The following ROBO2 variants were observed in gnomAD, a reference collection of about 807,000 sequenced individuals.
ROBO2 encodes the protein roundabout guidance receptor 2.
In ROBO2, 53 loss-of-function variants were observed where a neutral mutation model predicts 160.8. That is an observed-to-expected ratio of 0.33 (90% confidence interval 0.26 to 0.41). The LOEUF (loss-of-function observed/expected upper bound fraction) is 0.41. Among genes scored for constraint, ROBO2 ranks in the 10% least tolerant of loss-of-function variants. ROBO2 has a pLI of 1.00. For synonymous variants in ROBO2, 664 were observed against 611.7 expected (o/e 1.09, Z -1.26); for missense variants, 1,577 against 1,722.4 (o/e 0.92, Z 1.49).
chr3:76,475,254 CA>C (rs1406869543), intron 2 of ROBO2, among the ~76,000 whole-genome samples: 1 of 151,858 alleles, frequency 6.6e-6, no homozygotes, highest in Non-Finnish European at 1.5e-5. Flanking sequence ...AGGTTTAAAG[CA>C]GAGAGAAAAG....
chr3:77,264,813 C>T (rs1252152500), intron 2 of ROBO2, among the ~76,000 whole-genome samples: 1 of 152,036 alleles, frequency 6.6e-6, no homozygotes, highest in African/African-American at 2.4e-5. Flanking sequence ...TCTGACAAGT[C>T]TGAATAGAGA....
chr3:76,312,336 A>T (rs975557974), intron 2 of ROBO2, among the ~76,000 whole-genome samples: 3 of 152,182 alleles, frequency 2.0e-5, no homozygotes, highest in Non-Finnish European at 4.4e-5. Flanking sequence ...GTTCAAGAGA[A>T]GCATGTATAT....
At chr3:76,265,771 G>T (rs1014829106) in intron 2 of ROBO2, among the ~76,000 whole-genome samples, 2 of 152,070 alleles carry the variant, frequency 1.3e-5, no homozygotes, top group African/African-American at 4.8e-5. Context: ...AGTGCCAAAA[G>T]AAATGCTATT....
chr3:77,170,309 A>T (rs185016166), intron 2 of ROBO2, among the ~76,000 whole-genome samples: 1 of 152,276 alleles, frequency 6.6e-6, no homozygotes. Flanking sequence ...ATAATACAAA[A>T]TGCATTTTAT....
chr3:76,823,786 C>T (rs779325232), intron 2 of ROBO2, among the ~76,000 whole-genome samples: 1 of 151,866 alleles, frequency 6.6e-6, no homozygotes, highest in African/African-American at 2.4e-5. Flanking sequence ...GGGGAGATAA[C>T]GGAATAATAT....
intron 2 of ROBO2, among the ~76,000 whole-genome samples, chr3:75,994,955 G>T (rs1048494749): frequency 6.6e-6 from 1 of 152,188 alleles, no homozygotes; most frequent in African/African-American, 2.4e-5. Flanking sequence ...GCGGCATTTT[G>T]CCCCTGCCCT....
Position 76,651,552 on chromosome 3 carries a change from A to G in ROBO2, c.110-446462A>G, listed in dbSNP as rs566120956. ...AATGAGAGAGATGACTAGTAGCTCA[A>G]TGTATATGTAAAGAGTGGCCCTCCA... On this transcript the variant is annotated intron_variant, in intron 2 of 26. Coordinates refer to the ROBO2 transcript ENST00000487694. Among the ~76,000 whole-genome samples, 6 of 152,196 alleles carry G rather than the reference A, an allele frequency of 3.9e-5. No homozygotes were observed. In the East Asian group the frequency reaches 1.2e-3, roughly 29 times the overall value.
At chr3:76,733,024 G>C (rs1029092104) in intron 2 of ROBO2, among the ~76,000 whole-genome samples, 2 of 151,682 alleles carry the variant, frequency 1.3e-5, no homozygotes, top group African/African-American at 4.8e-5. Flanking sequence ...CAGGTAACTA[G>C]AGGCATATTT....
At chr3:77,352,947 G>A (rs73842830) in intron 2 of ROBO2, among the ~76,000 whole-genome samples, 2,763 of 152,230 alleles carry the variant, frequency 0.018, 71 homozygotes, top group African/African-American at 0.064. Flanking sequence ...AAAGTAGTTT[G>A]TCTCAATAGA....
chr3:76,809,061 A>G (rs1434532996), intron 2 of ROBO2, among the ~76,000 whole-genome samples: 7 of 152,232 alleles, frequency 4.6e-5, no homozygotes, highest in African/African-American at 1.7e-4. Flanking sequence ...AACAAATAAT[A>G]GAATATTTTA....
chr3:76,502,998 ATATG>A (rs759715032), intron 2 of ROBO2, among the ~76,000 whole-genome samples: 2 of 125,744 alleles, frequency 1.6e-5, no homozygotes, highest in Non-Finnish European at 3.7e-5. Flanking sequence ...ATATATATAT[ATATG>A]TGTGTGTGTG....
At chr3:76,956,508 G>C (rs1237403678) in intron 2 of ROBO2, among the ~76,000 whole-genome samples, 2 of 148,646 alleles carry the variant, frequency 1.3e-5, no homozygotes, top group Non-Finnish European at 3.0e-5. Flanking sequence ...AGTGAGCCGA[G>C]ATCGCGCCAC....
chr3:77,469,389 C>T (rs1476682073), intron 2 of ROBO2, among the ~76,000 whole-genome samples: 3 of 144,480 alleles, frequency 2.1e-5, no homozygotes, highest in Admixed American at 2.0e-4. Context: ...AGATAGGGTG[C>T]TTTTTTCATG....
At chr3:76,735,989 T>A (rs1425694933) in intron 2 of ROBO2, among the ~76,000 whole-genome samples, 1 of 151,590 alleles carries the variant, frequency 6.6e-6, no homozygotes, top group Non-Finnish European at 1.5e-5. Context: ...TTTTTTAAAA[T>A]AATCCCTACA....
chr3:76,243,364 G>A (rs746564201), intron 2 of ROBO2, among the ~76,000 whole-genome samples: 2 of 152,168 alleles, frequency 1.3e-5, no homozygotes, highest in South Asian at 4.1e-4. Context: ...GTGGGGACAC[G>A]CAGGGGAGGG....
At chr3:77,363,744 G>T (rs1238415952) in intron 2 of ROBO2, among the ~76,000 whole-genome samples, 1 of 152,186 alleles carries the variant, frequency 6.6e-6, no homozygotes. Context: ...TGGAATGAGG[G>T]TCTTCAAGGA....
chr3:76,945,947 G>A (rs1397162643), intron 2 of ROBO2, among the ~76,000 whole-genome samples: 1 of 152,092 alleles, frequency 6.6e-6, no homozygotes, highest in Non-Finnish European at 1.5e-5. Flanking sequence ...AACTCATTAT[G>A]GGCTGTCTTT....
rs375338271 is a variant in ROBO2 at position 75,976,264 on chromosome 3, G to A, written c.109+38662G>A. 7.2e-5 allele frequency among the ~76,000 whole-genome samples: 11 copies of A among 151,734 alleles called. No individual in the cohort carries two copies. In the South Asian group the frequency reaches 2.3e-3, roughly 31 times the overall value. ...AAACTGTACTGAAATGTTTGTGTTAGCAGTATTCAAAATAGCCACACACTG... is the reference window on the plus strand; with the variant it reads ...AAACTGTACTGAAATGTTTGTGTTAACAGTATTCAAAATAGCCACACACTG... On this transcript the variant is annotated intron_variant, in intron 2 of 26. Coordinates refer to the ROBO2 transcript ENST00000487694.
chr3:75,947,893 G>T (rs1460787586), intron 2 of ROBO2, among the ~76,000 whole-genome samples: 1 of 152,092 alleles, frequency 6.6e-6, no homozygotes, highest in African/African-American at 2.4e-5. Context: ...AAGATTTAGG[G>T]AAGAGCCAAA....
Sources: gnomAD v4.1 joint callset for allele counts (sites outside exome capture counted in the v4.1 genomes callset) on GRCh38, gnomAD v4.1.1 for gene constraint, MANE v1.5 for transcripts, NCBI Gene and HGNC (gene_info 2026-07-23, HGNC 2026-07-21) for gene names.